The following KIAA0753 variants were observed in gnomAD, a reference collection of about 807,000 sequenced individuals.
The protein encoded by KIAA0753 is protein moonraker.
KIAA0753 carries 114 observed loss-of-function variants against 116.9 expected under a neutral mutation model. That is an observed-to-expected ratio of 0.98 (90% CI 0.84 to 1.14). KIAA0753 has a LOEUF of 1.14. Ranked by LOEUF, KIAA0753 falls within the 50% of genes most tolerant of loss-of-function variation. KIAA0753 has a pLI of 0.00. For synonymous variants in KIAA0753, 405 were observed against 413.1 expected (o/e 0.98, Z 0.24); for missense variants, 1,156 against 1,172.4 (o/e 0.99, Z 0.20).
rs571480674 is a variant in KIAA0753 at position 6,579,269 on chromosome 17, A to G, written c.*478T>C. ...CCTGAGTCTACAGCCTAGTAGGGCC[A>G]GAGGTCCTGACAGGAAATCGCCAAA... On this transcript the variant is annotated 3_prime_UTR_variant, in exon 19 of 19. Transcript: ENST00000361413. 6.3e-6 allele frequency: 1 copy of G among 158,780 alleles called. No homozygotes were observed. The highest frequency in any genetic ancestry group is 1.4e-5 in the Non-Finnish European group (1 of 71,948). 9.8% of individuals were successfully genotyped at this position (158,780 alleles called of 1,614,324 possible).
chr17:6,620,639 T>C lies in KIAA0753; in HGVS notation c.1315+149A>G, dbSNP rs1202269384. 7 of 712,552 alleles carry C rather than the reference T, an allele frequency of 9.8e-6. No homozygotes were observed. The East Asian group carries it at 1.4e-4, about 14-fold the overall frequency. 44.1% of individuals were successfully genotyped at this position (712,552 alleles called of 1,614,324 possible). ...AGAATGCCTCCAGCCCCAGGAAACA[T>C]CTTGGTTGCTATTTACTGATCCTAG... On this transcript the variant is annotated intron_variant, in intron 7 of 18. Coordinates refer to ENST00000361413, the MANE Select transcript of KIAA0753 (RefSeq NM_014804.3).
chr17:6,587,309 T>C (rs887894771), intron 18 of KIAA0753, among the ~76,000 whole-genome samples: 4 of 152,132 alleles, frequency 2.6e-5, no homozygotes, highest in Admixed American at 6.6e-5. Flanking sequence ...GCACTGTCAC[T>C]TGGGGTCAAA....
At chr17:6,608,933 T>C (rs533233174) in intron 9 of KIAA0753, among the ~76,000 whole-genome samples, 1 of 152,130 alleles carries the variant, frequency 6.6e-6, no homozygotes, top group Non-Finnish European at 1.5e-5. Context: ...ACCACTGAGC[T>C]TATCAACTGA....
chr17:6,606,668 AT>A (rs917587200), intron 12 of KIAA0753, among the ~76,000 whole-genome samples: 2 of 152,132 alleles, frequency 1.3e-5, no homozygotes, highest in Non-Finnish European at 2.9e-5. Flanking sequence ...ACAATTACAG[AT>A]TTTTTTCAGT....
At chr17:6,628,044 T>C in intron 3 of KIAA0753, 73 bp downstream of exon 3, 1 of 1,395,090 alleles carries the variant, frequency 7.2e-7, no homozygotes, top group South Asian at 1.4e-5. Flanking sequence ...GGGTTGAGGG[T>C]CCTCAAGGAA....
chr17:6,615,039 T>C (rs1181870472), intron 7 of KIAA0753, among the ~76,000 whole-genome samples: 5 of 152,200 alleles, frequency 3.3e-5, no homozygotes, highest in Non-Finnish European at 7.3e-5. Flanking sequence ...CCTCAAGTGA[T>C]CCACCAGCCT....
chr17:6,602,749 C>G (rs1475581258), intron 12 of KIAA0753, among the ~76,000 whole-genome samples: 1 of 152,128 alleles, frequency 6.6e-6, no homozygotes, highest in Admixed American at 6.5e-5. Flanking sequence ...CCTTTAAGTT[C>G]TTTGCATTTT....
At chr17:6,623,156 C>T (rs1971441575) in intron 5 of KIAA0753, 59 bp from the exon 6 acceptor site, 17 of 1,435,776 alleles carry the variant, frequency 1.2e-5, no homozygotes, top group Non-Finnish European at 1.6e-5. Flanking sequence ...TAACATTCAC[C>T]CAACTTCTAA....
At position 6,599,259 on chromosome 17, in the gene KIAA0753, G is replaced by A. The variant is rs774918978; in HGVS notation, c.2150C>T (p.Ala717Val). ...TACCTCCTGTGCAGGCTGGGCTTTC[G>A]CTGTGTTTACTGACGAGCCATCTTT... ...HLKDGSSVNT[A>V]KAQPAQEVAA... The change falls in exon 14 of 19, where the codon GCG becomes GTG. Residue 717 changes from alanine (A) to valine (V), a missense_variant. Coordinates refer to ENST00000361413, the MANE Select transcript of KIAA0753 (RefSeq NM_014804.3). 4.3e-6 allele frequency: 7 copies of A among 1,613,572 alleles called. No individual in the cohort carries two copies. Among genetic ancestry groups the A allele is most frequent in the South Asian group, 3.3e-5 (3 of 91,070 alleles).
chr17:6,630,296 C>A (rs1323697887), intron 2 of KIAA0753, among the ~76,000 whole-genome samples: 1 of 152,002 alleles, frequency 6.6e-6, no homozygotes, highest in African/African-American at 2.4e-5. Flanking sequence ...TCTTACCCAA[C>A]CGATTAGCAA....
rs1969684909 is a variant in KIAA0753, at chr17:6,599,234, T to C, written c.2172+3A>G. On this transcript the variant is annotated splice_donor_region_variant and intron_variant, in intron 14 of 18. Coordinates refer to ENST00000361413, the MANE Select transcript of KIAA0753 (RefSeq NM_014804.3). ...CAGAATGCCAATATCACACAACGCA[T>C]ACCTCCTGTGCAGGCTGGGCTTTCG... 1.2e-6 allele frequency: 2 copies of C among 1,608,042 alleles called. No homozygotes were observed. Among genetic ancestry groups the C allele is most frequent in the Non-Finnish European group, 1.7e-6 (2 of 1,174,480 alleles).
chr17:6,580,080 G>A (rs563141917), intron 18 of KIAA0753, among the ~76,000 whole-genome samples: 9 of 151,992 alleles, frequency 5.9e-5, no homozygotes, highest in African/African-American at 2.2e-4. Context: ...CTGTTACTCA[G>A]GAGGCTGAGG....
At chr17:6,590,121 T>C in intron 17 of KIAA0753, 118 bp from the exon 18 acceptor site, 1 of 789,028 alleles carries the variant, frequency 1.3e-6, no homozygotes, top group Non-Finnish European at 2.0e-6. Flanking sequence ...TTTCTCACAA[T>C]GAACAAAACT....
chr17:6,628,805 G>A, intron 2 of KIAA0753, 64 bp from the exon 3 acceptor site: 3 of 1,475,406 alleles, frequency 2.0e-6, no homozygotes, highest in Non-Finnish European at 1.8e-6. Flanking sequence ...GTTGGTATAT[G>A]TCTATAATCA....
In KIAA0753 at chr17:6,590,644, G is replaced by A. The variant is rs965656238; in HGVS notation, c.2441-14C>T. On this transcript the variant is annotated splice_polypyrimidine_tract_variant and intron_variant, in intron 16 of 18. Coordinates refer to ENST00000361413, the MANE Select transcript of KIAA0753 (RefSeq NM_014804.3). ...AGATTTTTTGGTCTAGAAAAGGAGGGTCATAAAATGACTGCATATAAAGAA... is the reference window on the plus strand; with the variant it reads ...AGATTTTTTGGTCTAGAAAAGGAGGATCATAAAATGACTGCATATAAAGAA... The A allele has an allele frequency of 2.7e-5, 43 of 1,612,960 alleles. No homozygotes were observed. The highest frequency in any genetic ancestry group is 3.5e-5 in the Non-Finnish European group (41 of 1,179,380).
At chr17:6,598,902 T>G (rs1969658033) in intron 14 of KIAA0753, among the ~76,000 whole-genome samples, 1 of 152,106 alleles carries the variant, frequency 6.6e-6, no homozygotes, top group South Asian at 2.1e-4. Context: ...CTAGGCTGAA[T>G]GAAAGGAAAT....
At chr17:6,634,084 CAG>C (rs1231667209) in intron 2 of KIAA0753, among the ~76,000 whole-genome samples, 21 of 149,362 alleles carry the variant, frequency 1.4e-4, no homozygotes, top group Admixed American at 1.0e-3. Context: ...AATCAGTAAA[CAG>C]GGTGAATTCT....
intron 7 of KIAA0753, among the ~76,000 whole-genome samples, chr17:6,618,627 T>C (rs1270126787): frequency 6.6e-6 from 1 of 152,202 alleles, no homozygotes; most frequent in Non-Finnish European, 1.5e-5. Context: ...GAGTCTTACG[T>C]AGGAAAAACA....
At chr17:6,586,649 CTTGA>C (rs1968601400) in intron 18 of KIAA0753, among the ~76,000 whole-genome samples, 1 of 152,212 alleles carries the variant, frequency 6.6e-6, no homozygotes, top group Non-Finnish European at 1.5e-5. Context: ...CCAGAATTCA[CTTGA>C]TTGTTTTTCA....
Sources: gnomAD v4.1 joint callset for allele counts (sites outside exome capture counted in the v4.1 genomes callset) on GRCh38, gnomAD v4.1.1 for gene constraint, MANE v1.5 for transcripts, NCBI Gene and HGNC (gene_info 2026-07-23, HGNC 2026-07-21) for gene names.